INSC: variants seen among roughly 807,000 people sequenced by gnomAD.
INSC encodes the protein protein inscuteable homolog.
INSC carries 67 observed loss-of-function variants against 58.6 expected under a neutral mutation model. That is an observed-to-expected ratio of 1.14 (90% CI 0.94 to 1.40). The LOEUF (loss-of-function observed/expected upper bound fraction) is 1.40, where lower values mean the gene tolerates loss of function less well. INSC is among the 40% of genes most tolerant of loss of function. The pLI is 0.00. For missense variants in INSC, 714 were observed against 692.0 expected (o/e 1.03, Z -0.36); for synonymous variants, 262 against 276.1 (o/e 0.95, Z 0.51).
chr11:15,185,451 T>C (rs1046771777), intron 5 of INSC, among the ~76,000 whole-genome samples: 2 of 152,090 alleles, frequency 1.3e-5, no homozygotes, highest in African/African-American at 4.8e-5. Context: ...CTTACAATTA[T>C]TTATCAAAAT....
intron 2 of INSC, among the ~76,000 whole-genome samples, chr11:15,160,165 A>G (rs1175296213): frequency 6.6e-6 from 1 of 152,206 alleles, no homozygotes; most frequent in Non-Finnish European, 1.5e-5. Flanking sequence ...CAGAGGAGAG[A>G]CAGAGTGCTT....
At chr11:15,139,854 G>C (rs552884044) in intron 1 of INSC, among the ~76,000 whole-genome samples, 2 of 152,236 alleles carry the variant, frequency 1.3e-5, no homozygotes, top group South Asian at 2.1e-4. Flanking sequence ...TTGAGATCTG[G>C]GCACCAGATT....
chr11:15,158,798 C>T (rs1289866947), intron 2 of INSC, among the ~76,000 whole-genome samples: 1 of 150,584 alleles, frequency 6.6e-6, no homozygotes, highest in Non-Finnish European at 1.5e-5. Flanking sequence ...CACTGCCTGA[C>T]TCCTTGCTGG....
At chr11:15,201,408 C>A (rs930070982) in intron 7 of INSC, among the ~76,000 whole-genome samples, 1 of 152,162 alleles carries the variant, frequency 6.6e-6, no homozygotes, top group Non-Finnish European at 1.5e-5. Flanking sequence ...CCACTAAAGA[C>A]CAGCGGGCTT....
At chr11:15,242,180 A>G (rs1228039686) in intron 12 of INSC, among the ~76,000 whole-genome samples, 2 of 152,230 alleles carry the variant, frequency 1.3e-5, no homozygotes, top group Non-Finnish European at 2.9e-5. Context: ...GACACTGAAT[A>G]GGCCCTGAGG....
intron 8 of INSC, among the ~76,000 whole-genome samples, chr11:15,223,048 G>T (rs975115549): frequency 2.0e-5 from 3 of 152,180 alleles, no homozygotes; most frequent in African/African-American, 4.8e-5. Context: ...GAGTTGAAGA[G>T]AGCCAGGTGG....
At chr11:15,127,586 T>G (rs6486225) in intron 1 of INSC, among the ~76,000 whole-genome samples, 88,293 of 152,006 alleles carry the variant, frequency 0.58, 25,796 homozygotes, top group Admixed American at 0.6. Flanking sequence ...ACATGGAGAG[T>G]AGTGAGTTAT....
In INSC at chr11:15,245,913, C is replaced by A. The variant is rs781713651; in HGVS notation, c.1472C>A (p.Ala491Asp). 1 of 1,613,904 alleles carries A rather than the reference C, an allele frequency of 6.2e-7. No individual in the cohort carries two copies. The highest frequency in any genetic ancestry group is 2.2e-5 in the East Asian group (1 of 44,888). The change falls in exon 13 of 13, where the codon GCT (alanine) becomes GAT (aspartate). Residue 491 changes from alanine (A) to aspartate (D), a missense_variant and splice_region_variant. Transcript: ENST00000379556. The part of the protein sequence containing the change: ...SSDAVLVACL[A>D]ALRRLAGVCP... Reference sequence around the variant, plus strand: ...TCACCTCTTCTGTCTTCTCCCCAGGCTGCTCTGCGTAGATTGGCTGGGGTC... The same window carrying A: ...TCACCTCTTCTGTCTTCTCCCCAGGATGCTCTGCGTAGATTGGCTGGGGTC...
chr11:15,207,646 C>T (rs189003220), intron 7 of INSC, among the ~76,000 whole-genome samples: 180 of 152,194 alleles, frequency 1.2e-3, no homozygotes, highest in African/African-American at 4.2e-3. Flanking sequence ...GGGCTGCAAG[C>T]GGGAATGGTG....
chr11:15,237,961 A>T (rs1852194579), intron 10 of INSC, among the ~76,000 whole-genome samples: 1 of 152,036 alleles, frequency 6.6e-6, no homozygotes, highest in African/African-American at 2.4e-5. Context: ...ACAAAGCAAA[A>T]CTATATCCTT....
chr11:15,138,566 A>G (rs1192977818), intron 1 of INSC, among the ~76,000 whole-genome samples: 2 of 152,174 alleles, frequency 1.3e-5, no homozygotes, highest in Non-Finnish European at 2.9e-5. Context: ...TCTTTCCAAC[A>G]TATTTAATAT....
intron 9 of INSC, among the ~76,000 whole-genome samples, chr11:15,234,427 T>A (rs535491671): frequency 9.2e-5 from 14 of 152,382 alleles, no homozygotes; most frequent in South Asian, 6.2e-4. Context: ...GTAATATGTG[T>A]TATCCAGAGT....
chr11:15,177,252 G>C lies in INSC; in HGVS notation c.455+89G>C, dbSNP rs972050811. 12 of 964,606 alleles carry C rather than the reference G, an allele frequency of 1.2e-5. No homozygotes were observed. In the South Asian group the frequency reaches 1.6e-4, roughly 12 times the overall value. The allele number at this position is 964,606 out of a possible 1,614,324, so 59.8% of individuals were successfully genotyped here. A position where few individuals can be genotyped will look rare whatever the true frequency, so the allele number is the denominator to read the frequency against. On this transcript the variant is annotated intron_variant, in intron 4 of 12. Transcript: ENST00000379556. ...GTATCTTCTCCCAGAGGGAGAATGGGAATGGGAGGCGTGGTGGTGGTTTCA... is the reference window on the plus strand; with the variant it reads ...GTATCTTCTCCCAGAGGGAGAATGGCAATGGGAGGCGTGGTGGTGGTTTCA...
intron 1 of INSC, among the ~76,000 whole-genome samples, chr11:15,139,822 G>A (rs931746234): frequency 1.3e-5 from 2 of 152,196 alleles, no homozygotes; most frequent in Non-Finnish European, 2.9e-5. Flanking sequence ...GCCTCCCTTG[G>A]AGCTACATTT....
chr11:15,114,279 T>C (rs997164243), upstream of INSC, among the ~76,000 whole-genome samples: 32 of 150,914 alleles, frequency 2.1e-4, no homozygotes, highest in Non-Finnish European at 4.1e-4. Context: ...GGTCTGATCT[T>C]ATGTGCCGAA....
chr11:15,230,659 C>T (rs1036041924), intron 9 of INSC, among the ~76,000 whole-genome samples: 1 of 152,216 alleles, frequency 6.6e-6, no homozygotes, highest in African/African-American at 2.4e-5. Context: ...TCCAGAAACC[C>T]TTCCCTACAA....
At chr11:15,149,465 A>G (rs1848581890) in intron 2 of INSC, among the ~76,000 whole-genome samples, 1 of 152,224 alleles carries the variant, frequency 6.6e-6, no homozygotes, top group Non-Finnish European at 1.5e-5. Context: ...CTGAAGTCTA[A>G]TGCTGAGGCT....
rs1848279198 is a variant in INSC, at chr11:15,137,769, A to G, written c.-45-11361A>G. Among the ~76,000 whole-genome samples the G allele has an allele frequency of 2.0e-5, 3 of 152,352 alleles. No individual in the cohort carries two copies. In the South Asian group the frequency reaches 6.2e-4, roughly 32 times the overall value. The stretch of plus-strand genomic sequence containing the variant: ...TCCAGACCACTCAAACTTCCTCCAT[A>G]TCAGAATAGGCTGTCTTGCTTTTTT... On this transcript the variant is annotated intron_variant, in intron 1 of 12. Transcript: ENST00000379556.
the INSC span, among the ~76,000 whole-genome samples, chr11:15,256,721 C>T: frequency 3.3e-5 from 5 of 152,112 alleles, no homozygotes; most frequent in Admixed American, 2.6e-4. Flanking sequence ...AACTCCTGAC[C>T]TCATGATCCA....
Sources: gnomAD v4.1 joint callset for allele counts (sites outside exome capture counted in the v4.1 genomes callset) on GRCh38, gnomAD v4.1.1 for gene constraint, MANE v1.5 for transcripts, NCBI Gene and HGNC (gene_info 2026-07-23, HGNC 2026-07-21) for gene names.